The following PSD3 variants were observed in gnomAD, a reference collection of about 807,000 sequenced individuals.
The protein encoded by PSD3 is PH and SEC7 domain-containing protein 3.
Under a neutral mutation model 105.5 loss-of-function variants are expected in PSD3, and 49 were observed. That is an observed-to-expected ratio of 0.46 (90% confidence interval 0.37 to 0.59). PSD3 has a LOEUF of 0.59. Among genes scored for constraint, PSD3 ranks in the 20% least tolerant of loss-of-function variants. PSD3 has a pLI of 0.00. For synonymous variants in PSD3, 557 were observed against 457.8 expected (o/e 1.22, Z -2.77); for missense variants, 1,561 against 1,263.8 (o/e 1.24, Z -3.57).
At chr8:18,880,671 T>C (rs1055927817) in intron 2 of PSD3, among the ~76,000 whole-genome samples, 1 of 152,206 alleles carries the variant, frequency 6.6e-6, no homozygotes, top group African/African-American at 2.4e-5. Context: ...TTCCAACTGC[T>C]GTGAGCTCTT....
chr8:18,931,005 TC>T (rs1262554681), intron 2 of PSD3, among the ~76,000 whole-genome samples: 1 of 152,222 alleles, frequency 6.6e-6, no homozygotes, highest in East Asian at 1.9e-4. Flanking sequence ...TATTAGTATC[TC>T]ATTGTGGTTT....
In PSD3 at chr8:18,534,616, C is replaced by T. The variant is rs1799759688; in HGVS notation, c.*1127G>A. The T allele has an allele frequency of 6.6e-6, 1 of 152,134 alleles. No homozygotes were observed. Among genetic ancestry groups the T allele is most frequent in the Non-Finnish European group, 1.5e-5 (1 of 68,020 alleles). The allele number at this position is 152,134 out of a possible 1,614,324, so 9.4% of individuals were successfully genotyped here. Reference sequence around the variant, plus strand: ...ACCAGAAGATTCCTCAGTTTTCCAACCATAATTCATTCTGACTACTACTTT... The same window carrying T: ...ACCAGAAGATTCCTCAGTTTTCCAATCATAATTCATTCTGACTACTACTTT... On this transcript the variant is annotated 3_prime_UTR_variant, in exon 16 of 16. Transcript: ENST00000327040.
At chr8:18,902,904 T>TA (rs1819600254) in intron 2 of PSD3, among the ~76,000 whole-genome samples, 1 of 152,124 alleles carries the variant, frequency 6.6e-6, no homozygotes, top group African/African-American at 2.4e-5. Flanking sequence ...TGGGGAGACT[T>TA]AGATGAGGGG....
At chr8:18,556,460 A>C in intron 14 of PSD3, 108 bp from the exon 15 acceptor site, 4 of 1,158,124 alleles carry the variant, frequency 3.5e-6, no homozygotes, top group African/African-American at 1.5e-5. Context: ...AATTCACTAA[A>C]ACAGCCCAAT....
At chr8:18,927,858 T>C (rs935269843) in intron 2 of PSD3, among the ~76,000 whole-genome samples, 2 of 152,132 alleles carry the variant, frequency 1.3e-5, no homozygotes, top group African/African-American at 4.8e-5. Context: ...AAAAACCAAA[T>C]ACATATTTCA....
At chr8:18,687,922 C>G (rs1333714654) in intron 9 of PSD3, among the ~76,000 whole-genome samples, 1 of 152,084 alleles carries the variant, frequency 6.6e-6, no homozygotes, top group African/African-American at 2.4e-5. Context: ...CACCTGCCAC[C>G]ATGCCTGGGT....
At chr8:18,960,039 C>A (rs1823816314) in intron 1 of PSD3, among the ~76,000 whole-genome samples, 1 of 152,152 alleles carries the variant, frequency 6.6e-6, no homozygotes, top group Non-Finnish European at 1.5e-5. Context: ...AGAAAAATTA[C>A]CCATTATCGA....
chr8:18,628,724 A>G (rs1465187897), intron 11 of PSD3, among the ~76,000 whole-genome samples: 2 of 152,028 alleles, frequency 1.3e-5, no homozygotes, highest in Admixed American at 6.6e-5. Flanking sequence ...GTCTCAAACC[A>G]TAAATGAAGC....
chr8:18,886,190 T>TG (rs1374765293), intron 2 of PSD3, among the ~76,000 whole-genome samples: 1 of 151,050 alleles, frequency 6.6e-6, no homozygotes, highest in African/African-American at 2.4e-5. Context: ...GGAAAGCTTG[T>TG]GGGGAAAAAA....
At chr8:18,764,910 T>C (rs1563239271) in intron 9 of PSD3, among the ~76,000 whole-genome samples, 2 of 152,188 alleles carry the variant, frequency 1.3e-5, no homozygotes. Context: ...GTTGATTTTG[T>C]TGTCTCCTTG....
intron 1 of PSD3, among the ~76,000 whole-genome samples, chr8:19,004,815 C>A (rs966485706): frequency 1.3e-5 from 2 of 151,968 alleles, no homozygotes; most frequent in African/African-American, 4.8e-5. Flanking sequence ...TGTAATAAGT[C>A]TCAAGAGATC....
chr8:18,959,078 G>A (rs1166522951), intron 1 of PSD3, among the ~76,000 whole-genome samples: 13 of 147,436 alleles, frequency 8.8e-5, no homozygotes, highest in Admixed American at 7.3e-4. Context: ...ACATCATCAC[G>A]CTCAGCTAAT....
intron 9 of PSD3, among the ~76,000 whole-genome samples, chr8:18,737,757 T>C (rs1285981143): frequency 6.6e-6 from 1 of 152,206 alleles, no homozygotes; most frequent in Non-Finnish European, 1.5e-5. Context: ...TATTATCACT[T>C]TCTAACTTTA....
chr8:18,747,068 GA>G (rs1805090737), intron 9 of PSD3, among the ~76,000 whole-genome samples: 1 of 152,194 alleles, frequency 6.6e-6, no homozygotes, highest in Non-Finnish European at 1.5e-5. Context: ...GAGATAATGT[GA>G]AGCTTAGAAC....
intron 15 of PSD3, among the ~76,000 whole-genome samples, chr8:18,554,500 A>G (rs1207078039): frequency 1.3e-5 from 2 of 152,208 alleles, no homozygotes; most frequent in African/African-American, 4.8e-5. Flanking sequence ...TTCTCCGCCC[A>G]GAGCAAGGAT....
chr8:19,075,436 C>T (rs2129478130), intron 1 of PSD3, among the ~76,000 whole-genome samples: 1 of 152,318 alleles, frequency 6.6e-6, no homozygotes, highest in Middle Eastern at 3.4e-3. Context: ...AGGTTTCAGA[C>T]CAATTCACTG....
At chr8:18,655,771 T>C (rs1808841967) in intron 9 of PSD3, 86 bp from the exon 10 acceptor site, 3 of 1,330,806 alleles carry the variant, frequency 2.3e-6, no homozygotes, top group Non-Finnish European at 3.2e-6. Flanking sequence ...AATTCCTTCA[T>C]AAAAGGATAG....
chr8:18,946,239 A>T (rs894328991), intron 1 of PSD3, among the ~76,000 whole-genome samples: 4 of 152,176 alleles, frequency 2.6e-5, no homozygotes, highest in Non-Finnish European at 4.4e-5. Context: ...GGCAATAAAG[A>T]GGAAGATTCA....
At chr8:18,740,507 C>A (rs1034626945) in intron 9 of PSD3, among the ~76,000 whole-genome samples, 1 of 152,112 alleles carries the variant, frequency 6.6e-6, no homozygotes, top group Admixed American at 6.5e-5. Flanking sequence ...CATTATTGCC[C>A]TCTTATTATT....
Sources: allele counts gnomAD v4.1 joint callset (sites outside exome capture counted in the v4.1 genomes callset), GRCh38; gene constraint gnomAD v4.1.1; transcripts MANE v1.5; gene names NCBI Gene and HGNC (gene_info 2026-07-23, HGNC 2026-07-21).